DISC1: variants seen among roughly 807,000 people sequenced by gnomAD.
DISC1 encodes DISC1 scaffold protein.
In DISC1, 57 loss-of-function variants were observed where a neutral mutation model predicts 84.5. That is an observed-to-expected ratio of 0.67 (90% CI 0.55 to 0.84). DISC1 has a LOEUF of 0.84. DISC1 is among the 40% of genes least tolerant of loss of function. DISC1 has a pLI of 0.00. For synonymous variants in DISC1, 411 were observed against 415.2 expected (o/e 0.99, Z 0.12); for missense variants, 1,000 against 1,057.8 (o/e 0.95, Z 0.76).
intron 1 of DISC1, among the ~76,000 whole-genome samples, chr1:231,657,247 C>A (rs2061176452): frequency 6.6e-6 from 1 of 152,192 alleles, no homozygotes. Context: ...ACACTCCCAC[C>A]AACAATGTAA....
intron 4 of DISC1, among the ~76,000 whole-genome samples, chr1:231,752,236 G>A (rs1008012688): frequency 3.3e-5 from 5 of 152,192 alleles, no homozygotes; most frequent in Non-Finnish European, 7.3e-5. Flanking sequence ...GTTTATAAAT[G>A]AAAGAAGTTA....
rs554022452 is a variant in DISC1, at chr1:231,671,089, G to T, written c.68-22737G>T. On this transcript the variant is annotated intron_variant, in intron 1 of 12. Transcript: ENST00000439617. The stretch of plus-strand genomic sequence containing the variant: ...TGACTTGAGTTTTTTCAGAGAATCA[G>T]TCAGGATTCATTCTTTTTTCTTTGG... Among the ~76,000 whole-genome samples the T allele has an allele frequency of 2.0e-5, 3 of 152,248 alleles. No homozygotes were observed. The South Asian group carries it at 6.2e-4, about 32-fold the overall frequency.
intron 7 of DISC1, among the ~76,000 whole-genome samples, chr1:231,796,698 C>T (rs533853691): frequency 2.2e-4 from 33 of 152,204 alleles, no homozygotes; most frequent in African/African-American, 7.9e-4. Flanking sequence ...AAGACAGCAT[C>T]GGAGCCAGGG....
intron 1 of DISC1, among the ~76,000 whole-genome samples, chr1:231,653,965 A>T (rs1039801620): frequency 9.9e-5 from 15 of 152,226 alleles, no homozygotes; most frequent in Non-Finnish European, 2.2e-4. Context: ...CCAAAGCAAC[A>T]ATGGAATCCA....
At chr1:231,739,992 G>A (rs1387137896) in intron 3 of DISC1, among the ~76,000 whole-genome samples, 1 of 152,162 alleles carries the variant, frequency 6.6e-6, no homozygotes, top group African/African-American at 2.4e-5. Context: ...TAGGTCATGA[G>A]GGTGGAGGCT....
intron 9 of DISC1, among the ~76,000 whole-genome samples, chr1:231,935,059 G>A (rs1446944437): frequency 1.3e-5 from 2 of 152,224 alleles, no homozygotes; most frequent in Non-Finnish European, 2.9e-5. Context: ...ATGGGACAAC[G>A]AAGGATTGTG....
At chr1:231,673,492 TTTC>T (rs1000640692) in intron 1 of DISC1, among the ~76,000 whole-genome samples, 3 of 152,124 alleles carry the variant, frequency 2.0e-5, no homozygotes, top group African/African-American at 7.2e-5. Flanking sequence ...CACATCTGGC[TTTC>T]TTCTTGGCTA....
At chr1:231,737,232 A>T (rs927770505) in intron 3 of DISC1, among the ~76,000 whole-genome samples, 1 of 152,256 alleles carries the variant, frequency 6.6e-6, no homozygotes, top group East Asian at 1.9e-4. Flanking sequence ...TATATTATCA[A>T]TTGGAACATA....
chr1:231,784,765 G>A (rs773756691), intron 6 of DISC1, among the ~76,000 whole-genome samples: 5 of 152,222 alleles, frequency 3.3e-5, no homozygotes, highest in East Asian at 1.9e-4. Flanking sequence ...AGCCACCACC[G>A]AACTGGAAAG....
intron 10 of DISC1, among the ~76,000 whole-genome samples, chr1:231,983,938 A>G (rs1664028065): frequency 1.3e-5 from 2 of 152,158 alleles, no homozygotes; most frequent in Admixed American, 6.5e-5. Flanking sequence ...TCCAATTCCA[A>G]TGAAATAGAT....
chr1:231,992,272 C>A (rs1198657919), intron 10 of DISC1, among the ~76,000 whole-genome samples: 1 of 152,176 alleles, frequency 6.6e-6, no homozygotes, highest in Admixed American at 6.5e-5. Flanking sequence ...CGAATCTGTG[C>A]ATCTTTATAT....
chr1:231,670,976 C>T (rs750685762), intron 1 of DISC1, among the ~76,000 whole-genome samples: 10 of 152,304 alleles, frequency 6.6e-5, no homozygotes, highest in South Asian at 2.1e-4. Flanking sequence ...GTATGCCCTG[C>T]TCCCCACCTC....
intron 9 of DISC1, among the ~76,000 whole-genome samples, chr1:231,873,238 GGGA>G (rs2085598798): frequency 6.6e-6 from 1 of 152,210 alleles, no homozygotes; most frequent in Non-Finnish European, 1.5e-5. Flanking sequence ...TGAAAGATTT[GGGA>G]GTCTTTCCCA....
intron 9 of DISC1, among the ~76,000 whole-genome samples, chr1:231,871,069 C>G (rs2085423742): frequency 6.6e-6 from 1 of 152,142 alleles, no homozygotes; most frequent in South Asian, 2.1e-4. Flanking sequence ...AGGGCAGATA[C>G]TGTGTGCGGG....
chr1:231,771,203 T>A, intron 6 of DISC1, 133 bp downstream of exon 6: 1 of 1,452,354 alleles, frequency 6.9e-7, no homozygotes, highest in Non-Finnish European at 9.1e-7. Flanking sequence ...GCACCATTGG[T>A]GTTTTGGGTG....
intron 9 of DISC1, among the ~76,000 whole-genome samples, chr1:231,852,570 G>T (rs2083973824): frequency 6.6e-6 from 1 of 152,140 alleles, no homozygotes; most frequent in African/African-American, 2.4e-5. Flanking sequence ...CAACATTTGG[G>T]GCACATGCGC....
rs144077204 is a variant in DISC1 at position 231,903,660 on chromosome 1, T to TC, written c.1982-55166dup. Among the ~76,000 whole-genome samples, 1,102 of 152,248 alleles carry TC rather than the reference T, an allele frequency of 7.2e-3. 16 individuals carry two copies. The highest frequency in any genetic ancestry group is 0.025 in the African/African-American group (1,036 of 41,534). Reference sequence around the variant, plus strand: ...AGTGTGGATTTATGGGGAGGGATGTTCCAGGCAGAGGGAGCCTCAAGGCCT... The same window carrying TC: ...AGTGTGGATTTATGGGGAGGGATGTTCCCAGGCAGAGGGAGCCTCAAGGCCT... On this transcript the variant is annotated intron_variant, in intron 9 of 12. Coordinates refer to ENST00000439617, the MANE Select transcript of DISC1 (RefSeq NM_018662.3).
chr1:231,701,939 C>G lies in DISC1; in HGVS notation c.1048-16C>G, dbSNP rs759271963. ...CTATTGTAATTTTTTATTTTTTCCCCTTTAAACCAACATAGGTAATATCCT... is the reference window on the plus strand; with the variant it reads ...CTATTGTAATTTTTTATTTTTTCCCGTTTAAACCAACATAGGTAATATCCT... On this transcript the variant is annotated splice_polypyrimidine_tract_variant and intron_variant, in intron 2 of 12. Transcript: ENST00000439617. The G allele has an allele frequency of 6.3e-7, 1 of 1,586,508 alleles. No individual in the cohort carries two copies.
chr1:231,729,938 G>A (rs1029452542), intron 3 of DISC1, among the ~76,000 whole-genome samples: 3 of 152,028 alleles, frequency 2.0e-5, no homozygotes, highest in African/African-American at 4.8e-5. Context: ...TTGCTCAGTG[G>A]TGCTCCTCTG....
Sources: allele counts gnomAD v4.1 joint callset (sites outside exome capture counted in the v4.1 genomes callset), GRCh38; gene constraint gnomAD v4.1.1; transcripts MANE v1.5; gene names NCBI Gene and HGNC (gene_info 2026-07-23, HGNC 2026-07-21).